The following SLIT1 variants were observed in gnomAD, a reference collection of about 807,000 sequenced individuals.
SLIT1 encodes slit guidance ligand 1, also known as slit homolog 1 protein.
SLIT1 carries 66 observed loss-of-function variants against 186.1 expected under a neutral mutation model. The ratio of observed to expected loss-of-function variants is 0.35; its 90% confidence interval spans 0.29 to 0.44. SLIT1 has a LOEUF of 0.44. SLIT1 is among the 20% of genes least tolerant of loss of function. The probability of loss-of-function intolerance (pLI) is 1.00; values close to 1 mark genes in which losing one functional copy is unlikely to be tolerated. For missense variants in SLIT1, 1,638 were observed against 2,037.4 expected (o/e 0.80, Z 3.77); for synonymous variants, 761 against 833.8 (o/e 0.91, Z 1.50).
At position 97,043,317 on chromosome 10, in the gene SLIT1, T is replaced by C. The variant is rs1848705893; in HGVS notation, c.1997+53A>G. 1 of 1,608,362 alleles carries C rather than the reference T, an allele frequency of 6.2e-7. No homozygotes were observed. Among genetic ancestry groups the C allele is most frequent in the South Asian group, 1.1e-5 (1 of 90,784 alleles). On this transcript the variant is annotated intron_variant, in intron 19 of 36. Coordinates refer to ENST00000266058, the MANE Select transcript of SLIT1 (RefSeq NM_003061.3). The surrounding 1 kb of genome is among the most constrained non-coding windows in gnomAD (Gnocchi z 7.0). The stretch of plus-strand genomic sequence containing the variant: ...CTTTCAAAGTGGCTGGCCGAGACGG[T>C]TGGGACGGTTGCTCCAGAGCCCCCG...
At chr10:97,117,685 C>T (rs957593843) in intron 4 of SLIT1, among the ~76,000 whole-genome samples, 1 of 152,156 alleles carries the variant, frequency 6.6e-6, no homozygotes. Context: ...ATGCAAGTGA[C>T]GCACATGCAA....
At chr10:97,017,125 C>A (rs1002552851) in intron 28 of SLIT1, among the ~76,000 whole-genome samples, 1 of 152,200 alleles carries the variant, frequency 6.6e-6, no homozygotes, top group African/African-American at 2.4e-5. Context: ...GAGGGGGCTG[C>A]CCCATCTCCC....
chr10:97,049,917 A>G (rs1337164075), intron 13 of SLIT1, among the ~76,000 whole-genome samples: 1 of 152,210 alleles, frequency 6.6e-6, no homozygotes, highest in Non-Finnish European at 1.5e-5. Context: ...CCATGCTGGC[A>G]TGCCCACGGG....
At chr10:97,182,562 C>T (rs1024260721) in intron 1 of SLIT1, among the ~76,000 whole-genome samples, 11 of 152,248 alleles carry the variant, frequency 7.2e-5, no homozygotes, top group Non-Finnish European at 1.5e-4. Context: ...CCTGCGCTTT[C>T]CCAGTCCAGG....
intron 4 of SLIT1, among the ~76,000 whole-genome samples, chr10:97,107,259 G>T (rs761564651): frequency 1.4e-4 from 21 of 152,254 alleles, no homozygotes; most frequent in Non-Finnish European, 4.4e-5. Context: ...GAGGCTGGAT[G>T]GAATGGCACA....
rs577305212 is a variant in SLIT1 at position 97,038,164 on chromosome 10, G to A, written c.2298-398C>T. ...AGCTCCCAGGGCCCCCTGTCCACCT[G>A]CTGGCATGGGCTGTGAAGCTGATTC... is the stretch of plus-strand genomic sequence containing the variant. On this transcript the variant is annotated intron_variant, in intron 21 of 36. Transcript: ENST00000266058. Among the ~76,000 whole-genome samples the A allele has an allele frequency of 1.2e-4, 19 of 152,190 alleles. 2 individuals carry two copies. In the South Asian group the frequency reaches 3.7e-3, roughly 30 times the overall value.
At chr10:97,185,452 G>A in intron 1 of SLIT1, 26 bp downstream of exon 1, 1 of 1,604,580 alleles carries the variant, frequency 6.2e-7, no homozygotes, top group Non-Finnish European at 8.5e-7. Flanking sequence ...CGGAGCCAGG[G>A]AGCCAGGGGC....
chr10:97,183,962 C>T (rs940190301), intron 1 of SLIT1, among the ~76,000 whole-genome samples: 5 of 151,588 alleles, frequency 3.3e-5, no homozygotes, highest in South Asian at 2.1e-4. Context: ...CAGTTTGGTA[C>T]CACCTCTCCC....
Position 97,042,997 on chromosome 10 carries a change from T to G in SLIT1, c.2068A>C (p.Lys690Gln), listed in dbSNP as rs1564660249. The G allele has an allele frequency of 1.9e-6, 3 of 1,614,244 alleles. No homozygotes were observed. Among genetic ancestry groups the G allele is most frequent in the Non-Finnish European group, 1.7e-6 (2 of 1,180,044 alleles). ...AWLGGWLRKR[K>Q]IVTGNPRCQN... ...CATCGCGGGTTCCCCGTCACGATCT[T>G]GCGCTTCCGTAGCCAGCCTCCTAGC... The change falls in exon 20 of 37, where the codon AAG (lysine) becomes CAG (glutamine). Residue 690 changes from lysine to glutamine, a missense_variant. By Grantham distance (53) the Lys-to-Gln change is moderately conservative (BLOSUM62 1). Coordinates refer to ENST00000266058, the MANE Select transcript of SLIT1 (RefSeq NM_003061.3).
At chr10:97,091,980 AAAGG>A in intron 4 of SLIT1, among the ~76,000 whole-genome samples, 1 of 152,382 alleles carries the variant, frequency 6.6e-6, no homozygotes. Context: ...ACCTTGGCAG[AAAGG>A]AAGGTTTTCG....
intron 34 of SLIT1, among the ~76,000 whole-genome samples, 186 bp downstream of exon 34, chr10:97,003,882 G>GA (rs1848334573): frequency 6.6e-6 from 1 of 152,232 alleles, no homozygotes; most frequent in African/African-American, 2.4e-5. Context: ...CATCCTCCTT[G>GA]GTCAGTCTGG....
At chr10:97,124,224 T>C (rs1849584558) in intron 4 of SLIT1, among the ~76,000 whole-genome samples, 1 of 152,226 alleles carries the variant, frequency 6.6e-6, no homozygotes, top group Admixed American at 6.5e-5. Flanking sequence ...GTAGCTCTTG[T>C]CCCTGCACAT....
intron 23 of SLIT1, 128 bp from the exon 24 acceptor site, chr10:97,031,805 G>T (rs1848593757): frequency 1.4e-6 from 1 of 701,648 alleles, no homozygotes; most frequent in Non-Finnish European, 2.4e-6. Context: ...GGGAGGCAGA[G>T]CAGCCGGCAA....
intron 28 of SLIT1, among the ~76,000 whole-genome samples, chr10:97,015,150 C>A (rs1367048531): frequency 6.6e-6 from 1 of 152,180 alleles, no homozygotes; most frequent in East Asian, 1.9e-4. Context: ...CTAAATTGAC[C>A]CAGCTCAGAA....
intron 13 of SLIT1, among the ~76,000 whole-genome samples, chr10:97,055,928 G>A (rs1465014422): frequency 1.3e-5 from 2 of 152,152 alleles, no homozygotes; most frequent in African/African-American, 2.4e-5. Flanking sequence ...GAAACAACAT[G>A]TGTCTTAGAA....
At chr10:97,166,595 G>T (rs1432630977) in intron 1 of SLIT1, among the ~76,000 whole-genome samples, 1 of 72,444 alleles carries the variant, frequency 1.4e-5, no homozygotes, top group East Asian at 3.6e-4. Flanking sequence ...AAGAAAGAAA[G>T]AAAGAAAGAA....
intron 4 of SLIT1, among the ~76,000 whole-genome samples, chr10:97,075,662 C>A (rs1849038871): frequency 6.6e-6 from 1 of 152,178 alleles, no homozygotes; most frequent in Admixed American, 6.5e-5. Flanking sequence ...GATTCCACTG[C>A]AGATAACTCA....
intron 4 of SLIT1, among the ~76,000 whole-genome samples, chr10:97,073,585 A>T (rs1708905572): frequency 6.6e-6 from 1 of 152,178 alleles, no homozygotes; most frequent in Non-Finnish European, 1.5e-5. Context: ...CTGGGGAGAT[A>T]CAGGGCTGGG....
rs1164277769 is a variant in SLIT1 at position 97,004,058 on chromosome 10, A to C, written c.3865+10T>G. ...CAGCAAAAGAGGCCCCGCCAGGGCC[A>C]GGTCCTCACCTCCCACATAGAGTGG... On this transcript the variant is annotated intron_variant, in intron 34 of 36. Coordinates refer to ENST00000266058, the MANE Select transcript of SLIT1 (RefSeq NM_003061.3). This position sits in a 1 kb window ranked among gnomAD's most constrained non-coding sequence, Gnocchi z 5.1. 4 of 1,598,666 alleles carry C rather than the reference A, an allele frequency of 2.5e-6. No homozygotes were observed. In the East Asian group the frequency reaches 6.7e-5, roughly 27 times the overall value.
Sources: allele counts gnomAD v4.1 joint callset (sites outside exome capture counted in the v4.1 genomes callset), GRCh38; gene constraint gnomAD v4.1.1; non-coding constraint Gnocchi (gnomAD v3.1); transcripts MANE v1.5; gene names NCBI Gene and HGNC (gene_info 2026-07-23, HGNC 2026-07-21).